Variants in FHIT observed in about 807,000 individuals in gnomAD.
FHIT encodes the protein bis(5'-adenosyl)-triphosphatase.
A neutral mutation model predicts 17.9 loss-of-function variants in FHIT; 19 were observed. That is an observed-to-expected ratio of 1.06 (90% CI 0.74 to 1.56). The LOEUF is 1.56. Among genes scored for constraint, FHIT ranks in the 40% most tolerant of loss-of-function variants. FHIT has a pLI of 0.00. For missense variants in FHIT, 248 were observed against 189.2 expected, an observed-to-expected ratio of 1.31 and a Z score of -1.82; for synonymous variants, 81 against 69.7, an observed-to-expected ratio of 1.16 and a Z score of -0.81.
intron 5 of FHIT, among the ~76,000 whole-genome samples, chr3:60,412,877 G>T (rs919325759): frequency 5.9e-5 from 9 of 152,146 alleles, no homozygotes; most frequent in African/African-American, 2.2e-4. Flanking sequence ...AGATCTGGTG[G>T]TTTTATAAGT....
chr3:60,535,443 A>G (rs1380436764), intron 5 of FHIT, among the ~76,000 whole-genome samples: 1 of 152,190 alleles, frequency 6.6e-6, no homozygotes, highest in African/African-American at 2.4e-5. Flanking sequence ...TTGCTTTAAA[A>G]AACCCCAAAG....
chr3:60,116,000 A>G (rs1243999847), intron 5 of FHIT, among the ~76,000 whole-genome samples: 1 of 152,182 alleles, frequency 6.6e-6, no homozygotes, highest in Non-Finnish European at 1.5e-5. Context: ...ATTTCTCTCC[A>G]TTTTTCAAAT....
chr3:60,938,522 A>C (rs1173401877), intron 3 of FHIT, among the ~76,000 whole-genome samples: 1 of 152,218 alleles, frequency 6.6e-6, no homozygotes, highest in African/African-American at 2.4e-5. Flanking sequence ...AGATGTCAGA[A>C]AGACCAATAC....
intron 5 of FHIT, among the ~76,000 whole-genome samples, chr3:60,312,053 A>T (rs947145014): frequency 6.6e-6 from 1 of 152,232 alleles, no homozygotes; most frequent in African/African-American, 2.4e-5. Flanking sequence ...AAAAAATCTG[A>T]GTACTTAGCA....
intron 5 of FHIT, among the ~76,000 whole-genome samples, chr3:60,068,045 G>T (rs1272321679): frequency 6.6e-6 from 1 of 152,034 alleles, no homozygotes; most frequent in Non-Finnish European, 1.5e-5. Flanking sequence ...AGACCAGCCT[G>T]GTCAACGTGG....
intron 5 of FHIT, among the ~76,000 whole-genome samples, chr3:60,397,338 A>T (rs1345558257): frequency 1.3e-5 from 2 of 152,130 alleles, no homozygotes; most frequent in Non-Finnish European, 2.9e-5. Flanking sequence ...CCATGATGCT[A>T]ATGCTTGTGA....
intron 2 of FHIT, among the ~76,000 whole-genome samples, chr3:61,175,660 G>C (rs2038136181): frequency 6.6e-6 from 1 of 151,904 alleles, no homozygotes. Context: ...CTTATAAAAG[G>C]GCTTGAGGTC....
At chr3:60,777,501 T>C (rs184149749) in intron 4 of FHIT, among the ~76,000 whole-genome samples, 2 of 152,334 alleles carry the variant, frequency 1.3e-5, no homozygotes, top group Admixed American at 1.3e-4. Context: ...AGCTCTCAGA[T>C]AGCAGACTTA....
At chr3:60,136,929 T>A (rs761900814) in intron 5 of FHIT, among the ~76,000 whole-genome samples, 2 of 152,216 alleles carry the variant, frequency 1.3e-5, no homozygotes, top group Non-Finnish European at 1.5e-5. Context: ...AGTGACCTGA[T>A]AAGAGGTACA....
chr3:59,955,486 C>T (rs1467093840), intron 7 of FHIT, among the ~76,000 whole-genome samples: 1 of 152,192 alleles, frequency 6.6e-6, no homozygotes, highest in Non-Finnish European at 1.5e-5. Flanking sequence ...GCTTTACACA[C>T]CATCCAAATG....
intron 8 of FHIT, among the ~76,000 whole-genome samples, chr3:59,859,476 G>T (rs1241879044): frequency 6.6e-6 from 1 of 152,218 alleles, no homozygotes. Context: ...CCAGCACTTT[G>T]GGAGGCTGAG....
At chr3:61,228,864 G>A (rs2040031434) in intron 1 of FHIT, among the ~76,000 whole-genome samples, 1 of 152,176 alleles carries the variant, frequency 6.6e-6, no homozygotes, top group Non-Finnish European at 1.5e-5. Flanking sequence ...TCATCAATAA[G>A]GCCATTCCGT....
At chr3:61,080,284 C>T (rs1281785904) in intron 2 of FHIT, among the ~76,000 whole-genome samples, 2 of 152,118 alleles carry the variant, frequency 1.3e-5, no homozygotes, top group African/African-American at 2.4e-5. Flanking sequence ...TTCAAGTTGT[C>T]ATTTAGAGAT....
chr3:60,161,885 T>A (rs1285765455), intron 5 of FHIT, among the ~76,000 whole-genome samples: 3 of 152,074 alleles, frequency 2.0e-5, no homozygotes, highest in African/African-American at 7.2e-5. Context: ...TTATCACAGG[T>A]GGATAAAGTC....
chr3:60,996,684 G>A (rs2030699813), intron 3 of FHIT, among the ~76,000 whole-genome samples: 1 of 152,106 alleles, frequency 6.6e-6, no homozygotes, highest in Admixed American at 6.5e-5. Flanking sequence ...GGGTCATATG[G>A]CGATTTTTTT....
At chr3:59,929,900 C>A (rs1358395345) in intron 7 of FHIT, among the ~76,000 whole-genome samples, 1 of 150,352 alleles carries the variant, frequency 6.7e-6, no homozygotes, top group African/African-American at 2.5e-5. Flanking sequence ...CAGACAAAAA[C>A]CCTGAAGCAA....
intron 5 of FHIT, among the ~76,000 whole-genome samples, chr3:60,298,709 T>C (rs1161790287): frequency 1.3e-5 from 2 of 152,188 alleles, no homozygotes; most frequent in South Asian, 2.1e-4. Context: ...TCTGTGGGAA[T>C]TGATATGATC....
At chr3:61,189,350 A>G (rs1052137548) in intron 2 of FHIT, among the ~76,000 whole-genome samples, 1 of 152,210 alleles carries the variant, frequency 6.6e-6, no homozygotes, top group African/African-American at 2.4e-5. Context: ...CAAAGAGAAT[A>G]AAATACCTAG....
At chr3:60,484,394 G>A (rs577326238) in intron 5 of FHIT, among the ~76,000 whole-genome samples, 3 of 152,288 alleles carry the variant, frequency 2.0e-5, no homozygotes, top group South Asian at 4.1e-4. Flanking sequence ...AAAGCTGGAG[G>A]TATCAGGCTA....
Sources: allele counts gnomAD v4.1 joint callset (sites outside exome capture counted in the v4.1 genomes callset), GRCh38; gene constraint gnomAD v4.1.1; transcripts MANE v1.5; gene names NCBI Gene and HGNC (gene_info 2026-07-23, HGNC 2026-07-21).